RPS6KB2: variants seen among roughly 807,000 people sequenced by gnomAD.
RPS6KB2 encodes ribosomal protein S6 kinase beta-2.
In RPS6KB2, 51 loss-of-function variants were observed where a neutral mutation model predicts 58.2. That is an observed-to-expected ratio of 0.88 (90% CI 0.70 to 1.11). The LOEUF is 1.11. Ranked by LOEUF, RPS6KB2 falls within the 50% of genes least tolerant of loss-of-function variation. The pLI is 0.00. For missense variants in RPS6KB2, 671 were observed against 655.8 expected, an observed-to-expected ratio of 1.02 and a Z score of -0.25; for synonymous variants, 293 against 258.6, an observed-to-expected ratio of 1.13 and a Z score of -1.28.
rs1310431502 is a variant in RPS6KB2 at position 67,434,976 on chromosome 11, G to T, written c.1269-13G>T. ...CCTAGGAGGCTCTTATTCTGCCTTG[G>T]TTTCCCCTGCAGCCCCCTCAAGTTC... On this transcript the variant is annotated splice_polypyrimidine_tract_variant and intron_variant, in intron 14 of 14. Transcript: ENST00000312629. 1 of 1,612,740 alleles carries T rather than the reference G, an allele frequency of 6.2e-7. No homozygotes were observed. The highest frequency in any genetic ancestry group is 8.5e-7 in the Non-Finnish European group (1 of 1,179,176).
chr11:67,431,049 TTTG>T, intron 4 of RPS6KB2: 2 of 160,870 alleles, frequency 1.2e-5, no homozygotes, highest in South Asian at 1.9e-4. Context: ...TTTTTTTTTT[TTTG>T]AGATAGTGTC....
At chr11:67,429,701 C>T (rs527426233) in intron 4 of RPS6KB2, 106 bp downstream of exon 4, 6 of 931,870 alleles carry the variant, frequency 6.4e-6, no homozygotes, top group African/African-American at 1.6e-5. Flanking sequence ...GGATCCCTGA[C>T]TTTGGCGTTT....
At chr11:67,433,906 C>G (rs922182538) in intron 10 of RPS6KB2, 89 bp from the exon 11 acceptor site, 1 of 1,436,046 alleles carries the variant, frequency 7.0e-7, no homozygotes, top group African/African-American at 1.4e-5. Context: ...TCTCCCATGT[C>G]ACCTGACCCC....
rs758183183 is a variant in RPS6KB2, at chr11:67,429,479, A to G, written c.241-48A>G. On this transcript the variant is annotated intron_variant, in intron 3 of 14. Transcript: ENST00000312629. ...AGAGCTTCAGGGTGGGGCTTCTTGA[A>G]GATAGGATGTGGAGAGGGAAGTTGA... 3 of 1,565,684 alleles carry G rather than the reference A, an allele frequency of 1.9e-6. No homozygotes were observed. The African/African-American group carries it at 4.1e-5, about 21-fold the overall frequency.
chr11:67,429,208 C>T lies in RPS6KB2; in HGVS notation c.208C>T (p.Leu70=). ...ERIGPHCFEL[L]RVLGKGGYGK... ...CATCGGGCCCCACTGCTTTGAGCTG[C>T]TGCGTGTGCTGGGCAAGGGGGGCTA... Residue 70 remains leucine, a synonymous_variant, in exon 3 of 15, where the codon CTG becomes TTG. Coordinates refer to ENST00000312629, the MANE Select transcript of RPS6KB2 (RefSeq NM_003952.3). 4 of 1,613,622 alleles carry T rather than the reference C, an allele frequency of 2.5e-6. No individual in the cohort carries two copies. Among genetic ancestry groups the T allele is most frequent in the Non-Finnish European group, 3.4e-6 (4 of 1,180,008 alleles).
At chr11:67,429,332 G>A in intron 3 of RPS6KB2, 92 bp downstream of exon 3, 1 of 1,547,228 alleles carries the variant, frequency 6.5e-7, no homozygotes, top group East Asian at 2.3e-5. Flanking sequence ...TGAATCAGCA[G>A]GGCCTCTAAT....
At chr11:67,432,200 A>G (rs1289990222) in intron 5 of RPS6KB2, 5 of 426,824 alleles carry the variant, frequency 1.2e-5, no homozygotes, top group Admixed American at 7.9e-5. Context: ...GCATCCCCTT[A>G]AAGTCCCAGC....
At chr11:67,431,581 C>T (rs1403904103) in intron 5 of RPS6KB2, 66 bp downstream of exon 5, 3 of 1,541,056 alleles carry the variant, frequency 1.9e-6, no homozygotes, top group Non-Finnish European at 1.8e-6. Flanking sequence ...GCAAAGGAAG[C>T]TCTGGGGGGA....
rs376061064 is a variant in RPS6KB2 at position 67,428,515 on chromosome 11, G to T, written c.-31G>T. The T allele has an allele frequency of 4.5e-5, 72 of 1,586,328 alleles. No homozygotes were observed. The highest frequency in any genetic ancestry group is 1.7e-4 in the Middle Eastern group (1 of 5,928). On this transcript the variant is annotated 5_prime_UTR_variant, in exon 1 of 15. Transcript: ENST00000312629. ...TGTCAGTCAGTGCGCGGCCAGGTAC[G>T]GGCCGACGGGCCCGCGGGGCCGGCG...
In RPS6KB2 at chr11:67,429,118, AGGC is replaced by A. The variant is rs1863940918; in HGVS notation, c.120-1_121del. The stretch of plus-strand genomic sequence containing the variant: ...GTCCTCATTAACTCCTTGTGTCCGT[AGGC>A]CTGTGGGACACTATGAAGAGGTGGA... On this transcript the variant is annotated splice_acceptor_variant and coding_sequence_variant, in exon 3 of 15. Transcript: ENST00000312629. LOFTEE classifies it high-confidence loss of function. 6.2e-7 allele frequency: 1 copy of A among 1,613,830 alleles called. No individual in the cohort carries two copies. The highest frequency in any genetic ancestry group is 8.5e-7 in the Non-Finnish European group (1 of 1,180,028).
intron 10 of RPS6KB2, 118 bp downstream of exon 10, chr11:67,433,565 A>G (rs2135126692): frequency 1.3e-6 from 1 of 756,290 alleles, no homozygotes; most frequent in South Asian, 1.6e-5. Flanking sequence ...GCCTCTGGGA[A>G]TGAAAGGAGC....
chr11:67,430,866 T>C (rs1275674268), intron 4 of RPS6KB2: 1 of 152,960 alleles, frequency 6.5e-6, no homozygotes, highest in Non-Finnish European at 1.5e-5. Flanking sequence ...TGGTCCCAGG[T>C]GTCAGTAGTG....
chr11:67,433,915 C>G, intron 10 of RPS6KB2, 80 bp from the exon 11 acceptor site: 1 of 1,496,960 alleles, frequency 6.7e-7, no homozygotes. Flanking sequence ...TCACCTGACC[C>G]CTACTCCAGC....
chr11:67,433,546 G>C (rs1235882625), intron 10 of RPS6KB2, 99 bp downstream of exon 10: 3 of 904,556 alleles, frequency 3.3e-6, no homozygotes, highest in Admixed American at 2.1e-5. Flanking sequence ...ACCCCGGCCT[G>C]TGCAGTTTGC....
chr11:67,428,644 C>G, intron 1 of RPS6KB2, 21 bp downstream of exon 1: 1 of 1,594,614 alleles, frequency 6.3e-7, no homozygotes, highest in Non-Finnish European at 8.5e-7. Context: ...TGCCCTGGCG[C>G]GACTGGATCC....
Position 67,435,095 on chromosome 11 carries a change from A to G in RPS6KB2, c.1375A>G (p.Thr459Ala). The G allele has an allele frequency of 4.4e-6, 7 of 1,608,248 alleles. No homozygotes were observed. The highest frequency in any genetic ancestry group is 5.9e-6 in the Non-Finnish European group (7 of 1,179,074). The stretch of plus-strand genomic sequence containing the variant: ...CCTGCCACCGCCGCCGCCCTCGACC[A>G]CCGCCCCTCTCCCCATCCGTCCCCC... Reference protein sequence around the residue: ...PLLPPPPPSTTAPLPIRPPSG... With the variant: ...PLLPPPPPSTAAPLPIRPPSG... Residue 459 changes from threonine (T) to alanine (A), a missense_variant, in exon 15 of 15, where the codon ACC (threonine) becomes GCC (alanine). Coordinates refer to ENST00000312629, the MANE Select transcript of RPS6KB2 (RefSeq NM_003952.3).
In RPS6KB2 at chr11:67,433,461, C is replaced by T. The variant is rs563032431; in HGVS notation, c.906+14C>T. ...CTTGTCAAAAAGGTGCAGCTCCCTT[C>T]TCTCTTCTCCGGGGCCCTGCCAGCC... On this transcript the variant is annotated intron_variant, in intron 10 of 14. Transcript: ENST00000312629. 40 of 1,581,490 alleles carry T rather than the reference C, an allele frequency of 2.5e-5. No individual in the cohort carries two copies. In the Middle Eastern group the frequency reaches 5.0e-4, roughly 20 times the overall value.
In RPS6KB2 at chr11:67,432,541, T is replaced by C. The variant is rs894690481; in HGVS notation, c.458-59T>C. 5.7e-6 allele frequency: 9 copies of C among 1,583,514 alleles called. No individual in the cohort carries two copies. In the Admixed American group the frequency reaches 1.5e-4, roughly 26 times the overall value. On this transcript the variant is annotated intron_variant, in intron 5 of 14. Coordinates refer to ENST00000312629, the MANE Select transcript of RPS6KB2 (RefSeq NM_003952.3). ...TCTTTCCCCAAGAAGAAATAAAGAC[T>C]CAGAAAGCACAAAGGGGCTTGGACC...
At position 67,435,236 on chromosome 11, in the gene RPS6KB2, T is replaced by G. The variant is rs1230806028; in HGVS notation, c.*67T>G. The G allele has an allele frequency of 2.5e-5, 35 of 1,376,554 alleles. No homozygotes were observed. The highest frequency in any genetic ancestry group is 2.7e-5 in the Non-Finnish European group (28 of 1,035,726). 85.3% of individuals were successfully genotyped at this position (1,376,554 alleles called of 1,614,324 possible). A position where few individuals can be genotyped will look rare whatever the true frequency, so the allele number is the denominator to read the frequency against. The stretch of plus-strand genomic sequence containing the variant: ...TGCGGCTGTGAGAGCAGCAGGACCC[T>G]GGGCCAGTTCCAGAGACCTGGGGGT... On this transcript the variant is annotated 3_prime_UTR_variant, in exon 15 of 15. Transcript: ENST00000312629.
Sources: allele counts gnomAD v4.1 joint callset, GRCh38; gene constraint gnomAD v4.1.1; transcripts MANE v1.5; gene names NCBI Gene and HGNC (gene_info 2026-07-23, HGNC 2026-07-21).